The following PLCE1 variants were observed in gnomAD, a reference collection of about 807,000 sequenced individuals.
PLCE1 encodes 1-phosphatidylinositol 4,5-bisphosphate phosphodiesterase epsilon-1.
In PLCE1, 119 loss-of-function variants were observed where a neutral mutation model predicts 242.8. The ratio of observed to expected loss-of-function variants is 0.49; its 90% CI spans 0.42 to 0.57. The LOEUF is 0.57. Among genes scored for constraint, PLCE1 ranks in the 20% least tolerant of loss-of-function variants. The pLI is 0.00. For synonymous variants in PLCE1, 945 were observed against 1,017.4 expected, an observed-to-expected ratio of 0.93 and a Z score of 1.35; for missense variants, 2,441 against 2,788.8, an observed-to-expected ratio of 0.88 and a Z score of 2.81.
At chr10:94,022,640 T>C (rs918993420) in intron 1 of PLCE1, among the ~76,000 whole-genome samples, 1 of 152,010 alleles carries the variant, frequency 6.6e-6, no homozygotes, top group Non-Finnish European at 1.5e-5. Flanking sequence ...TAGGCCCCCC[T>C]TTTTTTAAGA....
At chr10:94,046,979 T>A (rs991775936) in intron 2 of PLCE1, among the ~76,000 whole-genome samples, 1 of 152,226 alleles carries the variant, frequency 6.6e-6, no homozygotes, top group Non-Finnish European at 1.5e-5. Context: ...TATTCTTTTT[T>A]AAAATTTTGT....
In PLCE1 at chr10:94,250,411, G is replaced by A. The variant is rs564526140; in HGVS notation, c.3097-1905G>A. On this transcript the variant is annotated intron_variant, in intron 8 of 32. Transcript: ENST00000371380. ...CAGACACCTGGGAATTGAGGCAGGA[G>A]AATCAGTTGAAACCGGGAGGCGGAG... Among the ~76,000 whole-genome samples the A allele has an allele frequency of 3.6e-4, 54 of 150,718 alleles. No individual in the cohort carries two copies. In the South Asian group the frequency reaches 0.011, roughly 31 times the overall value.
At position 94,283,850 on chromosome 10, in the gene PLCE1, A is replaced by G. The variant is rs2052339052; in HGVS notation, c.4856A>G (p.Tyr1619Cys). 6.2e-7 allele frequency: 1 copy of G among 1,612,266 alleles called. No individual in the cohort carries two copies. Among genetic ancestry groups the G allele is most frequent in the South Asian group, 1.1e-5 (1 of 91,014 alleles). Residue 1619 changes from tyrosine (Y) to cysteine (C), a missense_variant, in exon 21 of 33, where the codon TAT (tyrosine) becomes TGT (cysteine). By Grantham distance (194) the Tyr-to-Cys change is radical. Around this residue, in one of 5 missense-constraint regions of PLCE1, gnomAD observed 1,004 missense variants for 1,322.7 expected, o/e 0.76. Transcript: ENST00000371380. ...KSCNDKLQFEYNEEIPKRIKK... is the reference protein window; with the variant it reads ...KSCNDKLQFECNEEIPKRIKK... ...TGTAATGACAAGCTTCAGTTTGAAT[A>G]TAATGAAGAAATCCCAAAGAGGATA...
intron 4 of PLCE1, among the ~76,000 whole-genome samples, chr10:94,186,760 A>G (rs1015479637): frequency 2.0e-5 from 3 of 152,208 alleles, no homozygotes; most frequent in Admixed American, 6.5e-5. Flanking sequence ...ACCAAGATAC[A>G]TAATTGATAT....
intron 2 of PLCE1, among the ~76,000 whole-genome samples, chr10:94,042,468 A>G (rs1038854057): frequency 2.0e-5 from 3 of 152,194 alleles, no homozygotes; most frequent in African/African-American, 7.2e-5. Flanking sequence ...GGCTACCTCT[A>G]AAGTCCATAC....
chr10:94,102,009 G>A (rs1045069071), intron 2 of PLCE1, among the ~76,000 whole-genome samples: 1 of 152,184 alleles, frequency 6.6e-6, no homozygotes, highest in Non-Finnish European at 1.5e-5. Context: ...AGCCTATTGA[G>A]AAGTGAGATT....
intron 4 of PLCE1, among the ~76,000 whole-genome samples, chr10:94,216,236 A>G (rs952274559): frequency 2.0e-5 from 3 of 152,194 alleles, no homozygotes; most frequent in Admixed American, 2.0e-4. Context: ...AACCCAGCCA[A>G]TGATAGAGTC....
At chr10:94,088,422 A>T (rs1012489488) in intron 2 of PLCE1, among the ~76,000 whole-genome samples, 2 of 152,076 alleles carry the variant, frequency 1.3e-5, no homozygotes, top group East Asian at 3.9e-4. Context: ...ACAGACTTTT[A>T]CCCCTCCCTT....
chr10:94,324,591 C>A, intron 31 of PLCE1, 24 bp downstream of exon 31: 1 of 1,575,744 alleles, frequency 6.3e-7, no homozygotes, highest in Non-Finnish European at 8.7e-7. Flanking sequence ...TTATTTTGCT[C>A]TGTTCTTAAG....
chr10:94,316,976 C>A (rs775325875), intron 29 of PLCE1, among the ~76,000 whole-genome samples: 5 of 152,204 alleles, frequency 3.3e-5, no homozygotes, highest in South Asian at 2.1e-4. Context: ...TTAGACCGGG[C>A]GTGGTGGCTC....
At chr10:94,267,566 C>CAGCCCAGGTTTTCCTCTTCT (rs1429814055) in intron 16 of PLCE1, among the ~76,000 whole-genome samples, 12 of 152,158 alleles carry the variant, frequency 7.9e-5, no homozygotes, top group Admixed American at 6.5e-4. Flanking sequence ...CTAGAATTTC[C>CAGCCCAGGTTTTCCTCTTCT]AGCCCAGGTT....
intron 2 of PLCE1, among the ~76,000 whole-genome samples, chr10:94,125,215 A>G (rs2046403927): frequency 6.6e-6 from 1 of 152,242 alleles, no homozygotes; most frequent in Admixed American, 6.5e-5. Context: ...TGGAAGGAAC[A>G]GACAACAAAC....
chr10:94,251,250 G>C (rs1192760377), intron 8 of PLCE1, among the ~76,000 whole-genome samples: 2 of 152,184 alleles, frequency 1.3e-5, no homozygotes, highest in Admixed American at 6.5e-5. Context: ...AAGTACCCAA[G>C]TTATTCAGCA....
At chr10:94,011,088 T>C (rs1408087881) in intron 1 of PLCE1, among the ~76,000 whole-genome samples, 2 of 152,174 alleles carry the variant, frequency 1.3e-5, no homozygotes, top group Non-Finnish European at 2.9e-5. Context: ...TGAGGCTGGG[T>C]AACTTACAAA....
chr10:94,301,066 C>T (rs1161642104), intron 24 of PLCE1, among the ~76,000 whole-genome samples: 3 of 150,822 alleles, frequency 2.0e-5, no homozygotes, highest in African/African-American at 4.9e-5. Flanking sequence ...AGCTAGGGGC[C>T]GGGCACGATG....
At chr10:94,090,949 G>C (rs997974875) in intron 2 of PLCE1, among the ~76,000 whole-genome samples, 2 of 152,186 alleles carry the variant, frequency 1.3e-5, no homozygotes, top group African/African-American at 4.8e-5. Context: ...AAAACATGCA[G>C]ACTCTTAATT....
chr10:94,304,635 A>G lies in PLCE1; in HGVS notation c.5612A>G (p.Tyr1871Cys), dbSNP rs762506926. 8.4e-5 allele frequency: 135 copies of G among 1,613,910 alleles called. No individual in the cohort carries two copies. The highest frequency in any genetic ancestry group is 1.1e-4 in the Non-Finnish European group (129 of 1,179,950). ...CTGGACAGCATGGATCCTGCAGTCT[A>G]TTCTTTAACTGTAAGTACGGCCCCT... is the stretch of plus-strand genomic sequence containing the variant. ...RDLDSMDPAV[Y>C]SLTIVSGQNV... The change falls in exon 25 of 33, where the codon TAT becomes TGT. Residue 1871 changes from tyrosine (Y) to cysteine (C), a missense_variant. Tyr to Cys is a radical substitution (Grantham distance 194). Transcript: ENST00000371380.
intron 28 of PLCE1, among the ~76,000 whole-genome samples, chr10:94,315,798 T>C (rs1260863246): frequency 6.8e-6 from 1 of 147,944 alleles, no homozygotes; most frequent in Non-Finnish European, 1.5e-5. Flanking sequence ...AAAGTAACTA[T>C]AATGGCTCAT....
Position 94,246,557 on chromosome 10 carries a change from A to G in PLCE1, c.3032A>G (p.Lys1011Arg), listed in dbSNP as rs199673510. Residue 1011 changes from lysine to arginine, a missense_variant, in exon 8 of 33, where the codon AAG (lysine) becomes AGG (arginine). This residue lies in a region of PLCE1 where 1,004 missense variants were observed against 1,322.7 expected (regional missense o/e 0.76). Coordinates refer to ENST00000371380, the MANE Select transcript of PLCE1 (RefSeq NM_016341.4). ...TTGGAACTCACTAGAGCTGTGAGAAAGATGAGGAAATTCCCTGACCAAAGA... is the reference window on the plus strand; with the variant it reads ...TTGGAACTCACTAGAGCTGTGAGAAGGATGAGGAAATTCCCTGACCAAAGA... ...GLLELTRAVR[K>R]MRKFPDQRQQ... 1 of 1,614,204 alleles carries G rather than the reference A, an allele frequency of 6.2e-7. No individual in the cohort carries two copies.
Sources: gnomAD v4.1 joint callset for allele counts (sites outside exome capture counted in the v4.1 genomes callset) on GRCh38, gnomAD v4.1.1 for gene constraint, gnomAD v4.1.1 regional missense constraint, MANE v1.5 for transcripts, NCBI Gene and HGNC (gene_info 2026-07-23, HGNC 2026-07-21) for gene names.